HTR1E: variants seen among roughly 807,000 people sequenced by gnomAD.
HTR1E encodes the protein 5-hydroxytryptamine receptor 1E.
A neutral mutation model predicts 3.4 loss-of-function variants in HTR1E; 3 were observed. The ratio of observed to expected loss-of-function variants is 0.89; its 90% CI spans 0.41 to 2.31. HTR1E has a LOEUF of 2.31. HTR1E is among the 30% of genes most tolerant of loss of function. The pLI, the probability that HTR1E is intolerant of heterozygous loss-of-function variation, is 0.05. For missense variants in HTR1E, 392 were observed against 467.0 expected (o/e 0.84, Z 1.48); for synonymous variants, 170 against 182.8 (o/e 0.93, Z 0.56).
chr6:86,978,940 T>C (rs1767675764), intron 1 of HTR1E, among the ~76,000 whole-genome samples: 1 of 152,220 alleles, frequency 6.6e-6, no homozygotes, highest in Admixed American at 6.5e-5. Flanking sequence ...AAGGAAATGA[T>C]GCTACACAAA....
At chr6:86,983,368 T>C (rs1369542261) in intron 1 of HTR1E, among the ~76,000 whole-genome samples, 2 of 152,190 alleles carry the variant, frequency 1.3e-5, no homozygotes, top group African/African-American at 4.8e-5. Flanking sequence ...TTTAAAGATA[T>C]TCATTTGAAG....
chr6:86,983,382 A>G (rs1767739845), intron 1 of HTR1E, among the ~76,000 whole-genome samples: 1 of 151,858 alleles, frequency 6.6e-6, no homozygotes, highest in Admixed American at 6.5e-5. Flanking sequence ...TTTGAAGAAC[A>G]TTTATACCTC....
intron 1 of HTR1E, among the ~76,000 whole-genome samples, chr6:87,010,545 C>G (rs567705284): frequency 2.2e-5 from 3 of 134,848 alleles, no homozygotes; most frequent in Admixed American, 7.2e-5. Flanking sequence ...ACATCTCAGA[C>G]GATGGGCGGC....
intron 1 of HTR1E, among the ~76,000 whole-genome samples, chr6:86,979,580 A>C (rs1401891850): frequency 1.3e-5 from 2 of 152,316 alleles, no homozygotes; most frequent in East Asian, 3.9e-4. Context: ...GTATAGTTGG[A>C]AAACATAACA....
intron 1 of HTR1E, among the ~76,000 whole-genome samples, chr6:87,007,148 A>T (rs1214887502): frequency 6.6e-6 from 1 of 152,244 alleles, no homozygotes; most frequent in African/African-American, 2.4e-5. Flanking sequence ...ACCATAAAAA[A>T]GAATGAGATC....
intron 1 of HTR1E, chr6:86,970,378 T>G (rs532428335): frequency 8.5e-5 from 13 of 152,376 alleles, no homozygotes; most frequent in African/African-American, 3.1e-4. Flanking sequence ...ATCCTTGGTT[T>G]GCTCACCTGT....
chr6:86,980,027 A>T (rs1399676668), intron 1 of HTR1E, among the ~76,000 whole-genome samples: 4 of 152,182 alleles, frequency 2.6e-5, no homozygotes, highest in African/African-American at 9.7e-5. Flanking sequence ...TCACTGACCA[A>T]ATCCAAACAA....
At chr6:86,999,732 A>G (rs1767993053) in intron 1 of HTR1E, among the ~76,000 whole-genome samples, 1 of 152,174 alleles carries the variant, frequency 6.6e-6, no homozygotes, top group Non-Finnish European at 1.5e-5. Context: ...GCAATCCTAG[A>G]AAAGGCAAAT....
intron 1 of HTR1E, among the ~76,000 whole-genome samples, chr6:87,014,272 A>G (rs1381111256): frequency 6.9e-6 from 1 of 145,954 alleles, no homozygotes; most frequent in Non-Finnish European, 1.5e-5. Flanking sequence ...TAATAATAAT[A>G]ATAATAATAA....
chr6:86,974,287 C>T (rs1465127918), intron 1 of HTR1E, among the ~76,000 whole-genome samples: 1 of 152,176 alleles, frequency 6.6e-6, no homozygotes, highest in African/African-American at 2.4e-5. Flanking sequence ...ACAGTACAAA[C>T]TTCAAAATCA....
intron 1 of HTR1E, among the ~76,000 whole-genome samples, chr6:86,951,560 C>A (rs1288988062): frequency 6.6e-6 from 1 of 152,010 alleles, no homozygotes; most frequent in Non-Finnish European, 1.5e-5. Flanking sequence ...ACAATTACCA[C>A]TAGGGAAAAA....
intron 1 of HTR1E, among the ~76,000 whole-genome samples, chr6:87,002,108 GT>G (rs1442741711): frequency 6.6e-6 from 1 of 152,224 alleles, no homozygotes. Flanking sequence ...ACTGGAGTGT[GT>G]TCGGAATTTA....
chr6:86,953,333 G>A (rs1243993599), intron 1 of HTR1E, among the ~76,000 whole-genome samples: 1 of 152,118 alleles, frequency 6.6e-6, no homozygotes, highest in African/African-American at 2.4e-5. Flanking sequence ...AGATTATCTG[G>A]GTAGTTTTCT....
intron 1 of HTR1E, among the ~76,000 whole-genome samples, chr6:86,986,458 T>C (rs758177127): frequency 2.0e-5 from 3 of 152,196 alleles, no homozygotes; most frequent in African/African-American, 2.4e-5. Flanking sequence ...TTGAAGGCAG[T>C]CTTTTTAAAT....
chr6:86,994,642 A>G (rs1377233078), intron 1 of HTR1E, among the ~76,000 whole-genome samples: 1 of 152,184 alleles, frequency 6.6e-6, no homozygotes, highest in Non-Finnish European at 1.5e-5. Context: ...TCTAGACAGA[A>G]ATGATAAGGA....
intron 1 of HTR1E, among the ~76,000 whole-genome samples, chr6:86,960,197 T>A (rs1767384985): frequency 6.6e-6 from 1 of 152,146 alleles, no homozygotes; most frequent in East Asian, 1.9e-4. Context: ...TGCCAGCATG[T>A]AGTGACTAGT....
At chr6:87,014,094 A>C (rs2127834296) in intron 1 of HTR1E, among the ~76,000 whole-genome samples, 1 of 152,080 alleles carries the variant, frequency 6.6e-6, no homozygotes, top group East Asian at 1.9e-4. Flanking sequence ...GGAACACCAC[A>C]CACCCGGGCC....
chr6:86,987,817 CAG>C (rs201784796), intron 1 of HTR1E, among the ~76,000 whole-genome samples: 3,366 of 152,240 alleles, frequency 0.022, 50 homozygotes, highest in Middle Eastern at 0.051. Flanking sequence ...TGGCAGAAGG[CAG>C]AGAGGCAAGC....
At chr6:86,960,801 C>T (rs1019958559) in intron 1 of HTR1E, among the ~76,000 whole-genome samples, 6 of 152,234 alleles carry the variant, frequency 3.9e-5, no homozygotes, top group African/African-American at 1.4e-4. Context: ...ATCTCAGACA[C>T]TCTGCTGGCC....
Sources: allele counts gnomAD v4.1 joint callset (sites outside exome capture counted in the v4.1 genomes callset), GRCh38; gene constraint gnomAD v4.1.1; transcripts MANE v1.5; gene names NCBI Gene and HGNC (gene_info 2026-07-23, HGNC 2026-07-21).